The following DRC1 variants were observed in gnomAD, a reference collection of about 807,000 sequenced individuals.
DRC1 encodes dynein regulatory complex protein 1.
DRC1 carries 74 observed loss-of-function variants against 98.7 expected under a neutral mutation model. The ratio of observed to expected loss-of-function variants is 0.75; its 90% confidence interval spans 0.62 to 0.91. The LOEUF (loss-of-function observed/expected upper bound fraction) is 0.91. DRC1 is among the 40% of genes least tolerant of loss of function. DRC1 has a pLI of 0.00. For missense variants in DRC1, 875 were observed against 886.0 expected (o/e 0.99, Z 0.16); for synonymous variants, 336 against 334.1 (o/e 1.01, Z -0.06).
Position 26,455,132 on chromosome 2 carries a change from C to G in DRC1, c.2065C>G (p.Leu689Val). 5.6e-6 allele frequency: 9 copies of G among 1,614,110 alleles called. No homozygotes were observed. Among genetic ancestry groups the G allele is most frequent in the Non-Finnish European group, 7.6e-6 (9 of 1,180,020 alleles). Residue 689 changes from leucine to valine, a missense_variant and splice_region_variant, in exon 16 of 17, where the codon CTT becomes GTT. By Grantham distance (32) the Leu-to-Val change is conservative (BLOSUM62 1). Coordinates refer to ENST00000288710, the MANE Select transcript of DRC1 (RefSeq NM_145038.5). ...ALYTALEKYHLVLTQRAKLLL... is the reference protein window; with the variant it reads ...ALYTALEKYHVVLTQRAKLLL... ...TCTAACCGATTTTTCTGTCCAAAGC[C>G]TTGTCCTGACCCAGAGGGCCAAGCT...
chr2:26,444,357 G>A lies in DRC1; in HGVS notation c.1163+1G>A. On this transcript the variant is annotated splice_donor_variant, in intron 9 of 16. Transcript: ENST00000288710. LOFTEE classifies it high-confidence loss of function. ...TCAAGGAGCTACAGAAAGCCATGAG[G>A]TATCTTAAGGACTTGGTCCTAAGGC... is the stretch of plus-strand genomic sequence containing the variant. The A allele has an allele frequency of 6.2e-7, 1 of 1,613,724 alleles. No individual in the cohort carries two copies. The highest frequency in any genetic ancestry group is 8.5e-7 in the Non-Finnish European group (1 of 1,179,928).
At position 26,414,414 on chromosome 2, in the gene DRC1, A is replaced by G. The variant is rs201143906; in HGVS notation, c.226A>G (p.Lys76Glu). ...GGATCAAAGCAAGAGCTACAAACAG[A>G]AAGAAGAAAGCCGATTGGTATGAAC... The part of the protein sequence containing the change: ...EEDQSKSYKQ[K>E]EESRLKLAKL... Residue 76 changes from lysine to glutamate, a missense_variant, in exon 2 of 17, where the codon AAA (lysine) becomes GAA (glutamate). Coordinates refer to ENST00000288710, the MANE Select transcript of DRC1 (RefSeq NM_145038.5). 2 of 1,613,788 alleles carry G rather than the reference A, an allele frequency of 1.2e-6. No individual in the cohort carries two copies. Among genetic ancestry groups the G allele is most frequent in the Non-Finnish European group, 1.7e-6 (2 of 1,179,856 alleles).
intron 8 of DRC1, among the ~76,000 whole-genome samples, chr2:26,443,720 G>A (rs1663778508): frequency 6.6e-6 from 1 of 152,204 alleles, no homozygotes; most frequent in Non-Finnish European, 1.5e-5. Flanking sequence ...ATGAATGAAT[G>A]AATGAGTTAC....
chr2:26,402,113 C>T lies in DRC1; in HGVS notation c.124C>T (p.Arg42Cys). 6.2e-7 allele frequency: 1 copy of T among 1,611,202 alleles called. No homozygotes were observed. Among genetic ancestry groups the T allele is most frequent in the Non-Finnish European group, 8.5e-7 (1 of 1,179,146 alleles). The change falls in exon 1 of 17, where the codon CGC (arginine) becomes TGC (cysteine). Residue 42 changes from arginine (R) to cysteine (C), a missense_variant. By Grantham distance (180) the Arg-to-Cys change is radical. Transcript: ENST00000288710. ...GGAGCGCATCCAGGCCCGGCGCCTCCGCATCGCTGCGCGCTTAGAAGCCCG... is the reference window on the plus strand; with the variant it reads ...GGAGCGCATCCAGGCCCGGCGCCTCTGCATCGCTGCGCGCTTAGAAGCCCG... ...SQERIQARRL[R>C]IAARLEARRR...
intron 1 of DRC1, among the ~76,000 whole-genome samples, chr2:26,413,230 T>G (rs549894200): frequency 6.6e-6 from 1 of 152,376 alleles, no homozygotes; most frequent in East Asian, 1.9e-4. Flanking sequence ...GAAATATTGT[T>G]TTCTCTTAAT....
intron 6 of DRC1, among the ~76,000 whole-genome samples, chr2:26,431,243 C>T (rs982309203): frequency 3.3e-5 from 5 of 152,162 alleles, no homozygotes; most frequent in Non-Finnish European, 4.4e-5. Flanking sequence ...CGTGAGCCTC[C>T]GCGCCCGGCC....
rs150614643 is a variant in DRC1, at chr2:26,441,544, A to G, written c.1028+1027A>G. Reference sequence around the variant, plus strand: ...AAAGGCACACATCAATACAGTGAGGAGGCACCTGGGAAAGCTTCCCAAAGA... The same window carrying G: ...AAAGGCACACATCAATACAGTGAGGGGGCACCTGGGAAAGCTTCCCAAAGA... On this transcript the variant is annotated intron_variant, in intron 8 of 16. Transcript: ENST00000288710. Among the ~76,000 whole-genome samples the G allele has an allele frequency of 5.1e-3, 780 of 152,154 alleles. 23 individuals carry two copies. In the South Asian group the frequency reaches 0.078, roughly 15 times the overall value.
chr2:26,456,444 C>T lies in DRC1; in HGVS notation c.2167-17C>T. The T allele has an allele frequency of 6.2e-7, 1 of 1,614,016 alleles. No individual in the cohort carries two copies. Among genetic ancestry groups the T allele is most frequent in the Non-Finnish European group, 8.5e-7 (1 of 1,179,916 alleles). On this transcript the variant is annotated splice_polypyrimidine_tract_variant and intron_variant, in intron 16 of 16. Transcript: ENST00000288710. ...GCCCTGGGAAAAATGTAACGACTTTCACCCTTTCTTTTCCAGATCAACTCT... is the reference window on the plus strand; with the variant it reads ...GCCCTGGGAAAAATGTAACGACTTTTACCCTTTCTTTTCCAGATCAACTCT...
chr2:26,412,752 C>G (rs1200552468), intron 1 of DRC1, among the ~76,000 whole-genome samples: 1 of 152,084 alleles, frequency 6.6e-6, no homozygotes, highest in Non-Finnish European at 1.5e-5. Context: ...CAGAAAATGT[C>G]CTGTGCACAT....
chr2:26,423,823 A>G (rs764180996), intron 3 of DRC1, among the ~76,000 whole-genome samples: 11 of 152,210 alleles, frequency 7.2e-5, no homozygotes, highest in Non-Finnish European at 1.5e-4. Flanking sequence ...ACGCCATTTT[A>G]CAGAAGAGAA....
chr2:26,412,137 A>G (rs930809118), intron 1 of DRC1, among the ~76,000 whole-genome samples: 11 of 152,348 alleles, frequency 7.2e-5, no homozygotes, highest in Admixed American at 7.2e-4. Flanking sequence ...GGAGGATGGT[A>G]ACTCAATTCT....
rs527860955 is a variant in DRC1 at position 26,446,912 on chromosome 2, C to T, written c.1397-1779C>T. 2.6e-5 allele frequency among the ~76,000 whole-genome samples: 4 copies of T among 151,010 alleles called. No individual in the cohort carries two copies. In the East Asian group the frequency reaches 5.9e-4, roughly 22 times the overall value. On this transcript the variant is annotated intron_variant, in intron 10 of 16. Coordinates refer to ENST00000288710, the MANE Select transcript of DRC1 (RefSeq NM_145038.5). ...TTCGAGACCAGCCTGGCCAACATGG[C>T]GAAAACCTGTCTCTACTAAAAATAC...
chr2:26,412,006 GA>G (rs1435409068), intron 1 of DRC1, among the ~76,000 whole-genome samples: 1 of 152,118 alleles, frequency 6.6e-6, no homozygotes, highest in Non-Finnish European at 1.5e-5. Flanking sequence ...AATAGCTGAA[GA>G]CCTGAGTAAA....
At chr2:26,417,583 C>T (rs546914493) in intron 2 of DRC1, among the ~76,000 whole-genome samples, 44 of 152,364 alleles carry the variant, frequency 2.9e-4, no homozygotes, top group African/African-American at 1.0e-3. Context: ...CCTGCCTCAG[C>T]TTCCCAAAGT....
rs1197974577 is a variant in DRC1 at position 26,430,818 on chromosome 2, G to A, written c.711G>A (p.Leu237=). ...KAFEVERQEL[L]ASNKKKWEQA... Reference sequence around the variant, plus strand: ...TTGAGGTGGAACGCCAAGAGCTACTGGCCAGTAATAAGAAGAAATGGGAGC... The same window carrying A: ...TTGAGGTGGAACGCCAAGAGCTACTAGCCAGTAATAAGAAGAAATGGGAGC... Residue 237 remains leucine (L), a synonymous_variant, in exon 6 of 17, where the codon CTG becomes CTA. Transcript: ENST00000288710. 1 of 1,614,124 alleles carries A rather than the reference G, an allele frequency of 6.2e-7. No individual in the cohort carries two copies. The highest frequency in any genetic ancestry group is 1.7e-5 in the Admixed American group (1 of 60,022).
chr2:26,429,646 G>A lies in DRC1; in HGVS notation c.559G>A (p.Asp187Asn), dbSNP rs1663380118. 6.2e-7 allele frequency: 1 copy of A among 1,614,040 alleles called. No individual in the cohort carries two copies. Among genetic ancestry groups the A allele is most frequent in the African/African-American group, 1.3e-5 (1 of 75,034 alleles). Residue 187 changes from aspartate (D) to asparagine (N), a missense_variant, in exon 5 of 17, where the codon GAC (aspartate) becomes AAC (asparagine). Physicochemically the swap from Asp to Asn is conservative, Grantham distance 23 (BLOSUM62 1). Coordinates refer to ENST00000288710, the MANE Select transcript of DRC1 (RefSeq NM_145038.5). ...ELQQELKTKD[D>N]QYVKDLKKQS... Reference sequence around the variant, plus strand: ...TTTCTAGGAGTTAAAAACAAAGGATGACCAGTATGTGAAGGATTTGAAGAA... The same window carrying A: ...TTTCTAGGAGTTAAAAACAAAGGATAACCAGTATGTGAAGGATTTGAAGAA...
chr2:26,414,275 C>A, intron 1 of DRC1, 69 bp from the exon 2 acceptor site: 1 of 1,550,054 alleles, frequency 6.5e-7, no homozygotes, highest in Non-Finnish European at 8.8e-7. Flanking sequence ...CTGTGCCAGG[C>A]CAAAACCTTT....
In DRC1 at chr2:26,430,776, T is replaced by G; in HGVS notation, c.679-10T>G. 1 of 1,613,864 alleles carries G rather than the reference T, an allele frequency of 6.2e-7. No homozygotes were observed. Among genetic ancestry groups the G allele is most frequent in the South Asian group, 1.1e-5 (1 of 91,060 alleles). ...ACAGATGCAAGAGTGTTTTTCCTTCTTGGTCGTAGAAAGCATTTGAGGTGG... is the reference window on the plus strand; with the variant it reads ...ACAGATGCAAGAGTGTTTTTCCTTCGTGGTCGTAGAAAGCATTTGAGGTGG... On this transcript the variant is annotated splice_polypyrimidine_tract_variant and intron_variant, in intron 5 of 16. Coordinates refer to ENST00000288710, the MANE Select transcript of DRC1 (RefSeq NM_145038.5).
At chr2:26,437,222 C>T (rs748616142) in intron 7 of DRC1, among the ~76,000 whole-genome samples, 1 of 152,286 alleles carries the variant, frequency 6.6e-6, no homozygotes, top group Non-Finnish European at 1.5e-5. Flanking sequence ...CAGGGCCATC[C>T]CTAGAAGGGG....
Sources: allele counts gnomAD v4.1 joint callset (sites outside exome capture counted in the v4.1 genomes callset), GRCh38; gene constraint gnomAD v4.1.1; transcripts MANE v1.5; gene names NCBI Gene and HGNC (gene_info 2026-07-23, HGNC 2026-07-21).